Variants in NOL6 observed in about 807,000 individuals in gnomAD.
The protein encoded by NOL6 is nucleolar protein 6.
Under a neutral mutation model 131.7 loss-of-function variants are expected in NOL6, and 33 were observed. That is an observed-to-expected ratio of 0.25 (90% CI 0.19 to 0.33). NOL6 has a LOEUF of 0.33. NOL6 is among the 10% of genes least tolerant of loss of function. The probability of loss-of-function intolerance (pLI) is 1.00; values close to 1 mark genes in which losing one functional copy is unlikely to be tolerated. For synonymous variants in NOL6, 580 were observed against 605.7 expected (o/e 0.96, Z 0.62); for missense variants, 1,297 against 1,494.5 (o/e 0.87, Z 2.18).
rs35135082 is a variant in NOL6 at position 33,466,350 on chromosome 9, G to A, written c.2167C>T (p.Arg723Trp). The change falls in exon 17 of 26, where the codon CGG becomes TGG. Residue 723 changes from arginine (R) to tryptophan (W), a missense_variant. Coordinates refer to ENST00000297990, the MANE Select transcript of NOL6 (RefSeq NM_022917.5). ...TAGGCCGGACAGGGCTTATCGAGCC[G>A]GGGCAGCAGTGAGGACCGCTCCCGC... ...TLRERSSLLP[R>W]LDKPCPAYVE... The A allele has an allele frequency of 1.0e-4, 164 of 1,614,186 alleles. No homozygotes were observed. Among genetic ancestry groups the A allele is most frequent in the African/African-American group, 4.1e-4 (31 of 75,058 alleles).
chr9:33,468,112 G>C lies in NOL6; in HGVS notation c.1342C>G (p.Leu448Val). ...QHEARLSMMLLDSRADDGFHL... is the reference protein window; with the variant it reads ...QHEARLSMMLVDSRADDGFHL... Reference sequence around the variant, plus strand: ...AACCCGTCGTCAGCTCTGCTGTCCAGCAACATCATAGACAGCCGTGCCTCA... The same window carrying C: ...AACCCGTCGTCAGCTCTGCTGTCCACCAACATCATAGACAGCCGTGCCTCA... Residue 448 changes from leucine (L) to valine (V), a missense_variant, in exon 11 of 26, where the codon CTG becomes GTG. Physicochemically the swap from Leu to Val is conservative, Grantham distance 32 (BLOSUM62 1). Transcript: ENST00000297990. The C allele has an allele frequency of 6.2e-7, 1 of 1,614,140 alleles. No homozygotes were observed. Among genetic ancestry groups the C allele is most frequent in the Non-Finnish European group, 8.5e-7 (1 of 1,180,014 alleles).
rs751885625 is a variant in NOL6 at position 33,472,266 on chromosome 9, C to A, written c.201G>T (p.Glu67Asp). 21 of 1,614,106 alleles carry A rather than the reference C, an allele frequency of 1.3e-5. No individual in the cohort carries two copies. The highest frequency in any genetic ancestry group is 1.8e-5 in the Non-Finnish European group (21 of 1,180,042). The change falls in exon 2 of 26, where the codon GAG becomes GAT. Residue 67 changes from glutamate (E) to aspartate (D), a missense_variant. Glu to Asp is a conservative substitution (Grantham distance 45). Coordinates refer to ENST00000297990, the MANE Select transcript of NOL6 (RefSeq NM_022917.5). ...RAELYKEPTN[E>D]ELNRLRETEI... The stretch of plus-strand genomic sequence containing the variant: ...CAGTCTCCCGAAGGCGATTAAGCTC[C>A]TCATTGGTAGGCTCCTTGTACAGTT...
chr9:33,467,713 T>G lies in NOL6; in HGVS notation c.1580A>C (p.His527Pro). ...GLGARLNLLA[H>P]SRPPVPEWDI... The stretch of plus-strand genomic sequence containing the variant: ...CACCTCTGGGACTGGGGGTCGAGAG[T>G]GAGCCAGCAGGTTCAGCCGAGCCCC... The change falls in exon 12 of 26, where the codon CAC (histidine) becomes CCC (proline). Residue 527 changes from histidine (H) to proline (P), a missense_variant. Transcript: ENST00000297990. This position sits in a 1 kb window ranked among gnomAD's most constrained non-coding sequence, Gnocchi z 4.4. 3.8e-6 allele frequency: 6 copies of G among 1,573,962 alleles called. No individual in the cohort carries two copies. The highest frequency in any genetic ancestry group is 5.2e-6 in the Non-Finnish European group (6 of 1,162,532).
rs112696019 is a variant in NOL6, at chr9:33,469,517, G to C, written c.709C>G (p.Leu237Val). 5.3e-5 allele frequency: 86 copies of C among 1,609,350 alleles called. No individual in the cohort carries two copies. In the African/African-American group the frequency reaches 9.2e-4, roughly 17 times the overall value. The change falls in exon 5 of 26, where the codon CTG becomes GTG. Residue 237 changes from leucine to valine, a missense_variant. Coordinates refer to ENST00000297990, the MANE Select transcript of NOL6 (RefSeq NM_022917.5). The stretch of plus-strand genomic sequence containing the variant: ...CTCTCACCACGCGGCCGCAGCAACA[G>C]TGAGGGTTTCAGGTGGCAGCCATTT... Reference protein sequence around the residue: ...YTNGCHLKPSLLLRPRGKDER... With the variant: ...YTNGCHLKPSVLLRPRGKDER...
At position 33,467,471 on chromosome 9, in the gene NOL6, G is replaced by C. The variant is rs116483202; in HGVS notation, c.1648C>G (p.Leu550Val). Reference protein sequence around the residue: ...DPPKHKDSGTLTLGLLLRPEG... With the variant: ...DPPKHKDSGTVTLGLLLRPEG... ...GGCCGGAGAAGGAGTCCCAGGGTCA[G>C]GGTCCCAGAGTCTTTGTGCTTTGGT... The change falls in exon 13 of 26, where the codon CTG (leucine) becomes GTG (valine). Residue 550 changes from leucine (L) to valine (V), a missense_variant. Physicochemically the swap from Leu to Val is conservative, Grantham distance 32 (BLOSUM62 1). Transcript: ENST00000297990. The surrounding 1 kb of genome is among the most constrained non-coding windows in gnomAD (Gnocchi z 4.4). The C allele has an allele frequency of 3.1e-3, 4,950 of 1,614,198 alleles. 68 individuals are homozygous for C. The highest frequency in any genetic ancestry group is 0.028 in the East Asian group (1,267 of 44,888).
At position 33,463,141 on chromosome 9, in the gene NOL6, A is replaced by C. The variant is rs754376193; in HGVS notation, c.3190-7T>G. On this transcript the variant is annotated splice_region_variant and splice_polypyrimidine_tract_variant and intron_variant, in intron 24 of 25. Coordinates refer to ENST00000297990, the MANE Select transcript of NOL6 (RefSeq NM_022917.5). Reference sequence around the variant, plus strand: ...CCAGATCCCCAAAGGCCTCCTAGAAAGGGACAGAACAGAGAAGATTATAGG... The same window carrying C: ...CCAGATCCCCAAAGGCCTCCTAGAACGGGACAGAACAGAGAAGATTATAGG... The C allele has an allele frequency of 6.2e-7, 1 of 1,612,262 alleles. No individual in the cohort carries two copies. The highest frequency in any genetic ancestry group is 8.5e-7 in the Non-Finnish European group (1 of 1,178,964).
intron 19 of NOL6, 100 bp from the exon 20 acceptor site, chr9:33,465,459 T>A: frequency 7.6e-7 from 1 of 1,317,378 alleles, no homozygotes; most frequent in East Asian, 2.5e-5. Context: ...AGGTTACATA[T>A]GTAATCTCAT....
Position 33,468,952 on chromosome 9 carries a change from A to G in NOL6, c.1026+6T>C, listed in dbSNP as rs752589686. 1 of 1,614,060 alleles carries G rather than the reference A, an allele frequency of 6.2e-7. No homozygotes were observed. Among genetic ancestry groups the G allele is most frequent in the Admixed American group, 1.7e-5 (1 of 60,018 alleles). On this transcript the variant is annotated splice_donor_region_variant and intron_variant, in intron 7 of 25. Transcript: ENST00000297990. Reference sequence around the variant, plus strand: ...AGGTAGGGAGGCTGCGCCACCCCCAACTCACCTTGTCCAGCTCCCGCTGCC... The same window carrying G: ...AGGTAGGGAGGCTGCGCCACCCCCAGCTCACCTTGTCCAGCTCCCGCTGCC...
In NOL6 at chr9:33,464,942, A is replaced by G; in HGVS notation, c.2716T>C (p.Leu906=). The G allele has an allele frequency of 1.9e-6, 3 of 1,614,070 alleles. No individual in the cohort carries two copies. The highest frequency in any genetic ancestry group is 2.5e-6 in the Non-Finnish European group (3 of 1,180,010). The change falls in exon 21 of 26, where the codon TTG becomes CTG. Residue 906 remains leucine, a synonymous_variant. Transcript: ENST00000297990. Reference sequence around the variant, plus strand: ...TTCTTCCAATCAAACGTTGATACCAAGAAAAGGAATCGAAGGAAGCCAACC... The same window carrying G: ...TTCTTCCAATCAAACGTTGATACCAGGAAAAGGAATCGAAGGAAGCCAACC... ...PQVGFLRFLF[L]VSTFDWKNNP... is the part of the protein sequence containing the mutation.
In NOL6 at chr9:33,463,285, C is replaced by T. The variant is rs527640275; in HGVS notation, c.3151G>A (p.Gly1051Ser). 1.3e-5 allele frequency: 21 copies of T among 1,613,942 alleles called. No individual in the cohort carries two copies. In the African/African-American group the frequency reaches 2.3e-4, roughly 17 times the overall value. ...AGATAGAGCTGAGGAGGATCATAGC[C>T]CAGCACGGGCATCAGGGATGAGGGC... ...PGPSSLMPVL[G>S]YDPPQLYLTQ... Residue 1051 changes from glycine to serine, a missense_variant, in exon 24 of 26, where the codon GGC becomes AGC. Coordinates refer to ENST00000297990, the MANE Select transcript of NOL6 (RefSeq NM_022917.5).
intron 7 of NOL6, 33 bp from the exon 8 acceptor site, chr9:33,468,905 C>A: frequency 6.2e-7 from 1 of 1,613,968 alleles, no homozygotes; most frequent in Non-Finnish European, 8.5e-7. Context: ...GAGGTCAGAG[C>A]CTGCCCATCA....
intron 4 of NOL6, 162 bp downstream of exon 4, chr9:33,469,850 G>T: frequency 2.0e-6 from 2 of 1,003,650 alleles, no homozygotes; most frequent in Non-Finnish European, 2.9e-6. Context: ...ACAGCAACTG[G>T]CCCGAGGGAT....
chr9:33,464,600 C>G lies in NOL6; in HGVS notation c.2779+279G>C, dbSNP rs1205296729. 2.6e-5 allele frequency among the ~76,000 whole-genome samples: 4 copies of G among 152,208 alleles called. 1 individual carries two copies. In the Middle Eastern group the frequency reaches 0.01, roughly 388 times the overall value. Reference sequence around the variant, plus strand: ...CACTTCCTAGCTCCGTGCCCTAATACTTCTTACGTGGTATTCAGGATCCCC... The same window carrying G: ...CACTTCCTAGCTCCGTGCCCTAATAGTTCTTACGTGGTATTCAGGATCCCC... On this transcript the variant is annotated intron_variant, in intron 21 of 25. Transcript: ENST00000297990.
In NOL6 at chr9:33,467,877, G is replaced by T; in HGVS notation, c.1425-9C>A. 1 of 1,585,978 alleles carries T rather than the reference G, an allele frequency of 6.3e-7. No homozygotes were observed. The highest frequency in any genetic ancestry group is 1.2e-5 in the South Asian group (1 of 86,708). Reference sequence around the variant, plus strand: ...GACTCAGTGGACGGAGACTGGAGGGGTACAAAGGGCCAAAGAGGGGTAATC... The same window carrying T: ...GACTCAGTGGACGGAGACTGGAGGGTTACAAAGGGCCAAAGAGGGGTAATC... On this transcript the variant is annotated splice_polypyrimidine_tract_variant and intron_variant, in intron 11 of 25. Coordinates refer to ENST00000297990, the MANE Select transcript of NOL6 (RefSeq NM_022917.5). The surrounding 1 kb of genome is among the most constrained non-coding windows in gnomAD (Gnocchi z 4.4).
intron 22 of NOL6, 57 bp downstream of exon 22, chr9:33,463,980 G>T: frequency 6.2e-7 from 1 of 1,613,194 alleles, no homozygotes; most frequent in Non-Finnish European, 8.5e-7. Flanking sequence ...GTCAGGCTGG[G>T]CCTGCTTTTT....
At chr9:33,473,545 A>C (rs1279129109) in intron 1 of NOL6, among the ~76,000 whole-genome samples, 2 of 152,152 alleles carry the variant, frequency 1.3e-5, no homozygotes, top group Non-Finnish European at 2.9e-5. Flanking sequence ...GGGTCTCTTC[A>C]ACTTTGAGGT....
At chr9:33,473,723 A>G in intron 1 of NOL6, 66 bp downstream of exon 1, 2 of 1,578,018 alleles carry the variant, frequency 1.3e-6, no homozygotes, top group Non-Finnish European at 1.7e-6. Flanking sequence ...AGATCACGCC[A>G]TCTCGGGCCC....
rs1417947024 is a variant in NOL6, at chr9:33,466,637, C to G, written c.2023G>C (p.Gly675Arg). ...CYDDLSRLLW[G>R]LEGLPLTVSA... Reference sequence around the variant, plus strand: ...ACGGTCAGTGGGAGACCCTCTAGCCCCCACAGTAGGCGACTGAGGTCGTCG... The same window carrying G: ...ACGGTCAGTGGGAGACCCTCTAGCCGCCACAGTAGGCGACTGAGGTCGTCG... The change falls in exon 16 of 26, where the codon GGG becomes CGG. Residue 675 changes from glycine to arginine, a missense_variant. Coordinates refer to ENST00000297990, the MANE Select transcript of NOL6 (RefSeq NM_022917.5). 6.2e-7 allele frequency: 1 copy of G among 1,614,068 alleles called. No homozygotes were observed. Among genetic ancestry groups the G allele is most frequent in the Non-Finnish European group, 8.5e-7 (1 of 1,180,032 alleles).
At chr9:33,465,966 C>A in intron 18 of NOL6, 69 bp from the exon 19 acceptor site, 1 of 1,582,374 alleles carries the variant, frequency 6.3e-7, no homozygotes, top group Non-Finnish European at 8.6e-7. Flanking sequence ...CTGTGGCCTA[C>A]AGCCCTATTA....
Sources: gnomAD v4.1 joint callset for allele counts (sites outside exome capture counted in the v4.1 genomes callset) on GRCh38, gnomAD v4.1.1 for gene constraint, Gnocchi (gnomAD v3.1) non-coding constraint, MANE v1.5 for transcripts, NCBI Gene and HGNC (gene_info 2026-07-23, HGNC 2026-07-21) for gene names.